RNF38: variants seen among roughly 807,000 people sequenced by gnomAD.
RNF38 encodes ring finger protein 38.
A neutral mutation model predicts 67.2 loss-of-function variants in RNF38; 15 were observed. That is an observed-to-expected ratio of 0.22 (90% CI 0.15 to 0.34). The LOEUF is 0.34. Ranked by LOEUF, RNF38 falls within the 10% of genes least tolerant of loss-of-function variation. The probability of loss-of-function intolerance (pLI) is 1.00; values close to 1 mark genes in which losing one functional copy is unlikely to be tolerated. For missense variants in RNF38, 524 were observed against 639.9 expected (o/e 0.82, Z 1.95); for synonymous variants, 220 against 218.8 (o/e 1.01, Z -0.05).
chr9:36,468,317 A>G (rs1345416181), intron 1 of RNF38, among the ~76,000 whole-genome samples: 3 of 151,916 alleles, frequency 2.0e-5, no homozygotes, highest in Non-Finnish European at 4.4e-5. Flanking sequence ...AGATTACCAG[A>G]ACGCAGAATC....
intron 1 of RNF38, among the ~76,000 whole-genome samples, chr9:36,443,970 C>T (rs1490037435): frequency 6.6e-6 from 1 of 152,194 alleles, no homozygotes; most frequent in African/African-American, 2.4e-5. Flanking sequence ...GCATGTTCCC[C>T]TCCCAGAAGA....
At chr9:36,458,139 G>C (rs1839636309) in intron 1 of RNF38, among the ~76,000 whole-genome samples, 1 of 152,204 alleles carries the variant, frequency 6.6e-6, no homozygotes, top group Admixed American at 6.5e-5. Flanking sequence ...CAATATAGTA[G>C]TAATGAGAGG....
At chr9:36,349,690 C>A (rs1296832608) in intron 9 of RNF38, among the ~76,000 whole-genome samples, 1 of 152,104 alleles carries the variant, frequency 6.6e-6, no homozygotes, top group Non-Finnish European at 1.5e-5. Context: ...GCCAAAAAAC[C>A]AATGCCATGG....
intron 2 of RNF38, among the ~76,000 whole-genome samples, chr9:36,416,197 A>AGGGGGG (rs1189939343): frequency 2.0e-4 from 1 of 4,892 alleles, no homozygotes; most frequent in Non-Finnish European, 4.0e-4. Flanking sequence ...AGGGAGGGGG[A>AGGGGGG]GGGGGTGGGA....
At chr9:36,386,058 T>A (rs1222179747) in intron 2 of RNF38, among the ~76,000 whole-genome samples, 1 of 152,232 alleles carries the variant, frequency 6.6e-6, no homozygotes, top group Non-Finnish European at 1.5e-5. Flanking sequence ...AACTTATTTA[T>A]CGTTGGTAAA....
chr9:36,414,145 GGTGA>G (rs1276414096), intron 2 of RNF38, among the ~76,000 whole-genome samples: 1 of 152,098 alleles, frequency 6.6e-6, no homozygotes, highest in East Asian at 1.9e-4. Flanking sequence ...TTATGTGTTA[GGTGA>G]GTCTCTTGAA....
chr9:36,448,015 G>C (rs1361521520), intron 1 of RNF38, among the ~76,000 whole-genome samples: 5 of 152,166 alleles, frequency 3.3e-5, no homozygotes, highest in Admixed American at 2.0e-4. Context: ...CCTACATGCA[G>C]CTCTGCAGTG....
At chr9:36,444,611 C>A (rs1839260924) in intron 1 of RNF38, among the ~76,000 whole-genome samples, 1 of 152,100 alleles carries the variant, frequency 6.6e-6, no homozygotes, top group African/African-American at 2.4e-5. Flanking sequence ...ACCAGCCTGA[C>A]CAACATACTG....
chr9:36,396,969 AATC>A (rs765743710), intron 1 of RNF38, among the ~76,000 whole-genome samples: 4 of 151,872 alleles, frequency 2.6e-5, no homozygotes, highest in Non-Finnish European at 4.4e-5. Flanking sequence ...ATAAAAAAAA[AATC>A]ATTCTCTCAC....
intron 2 of RNF38, among the ~76,000 whole-genome samples, chr9:36,378,923 G>A (rs1303289918): frequency 2.0e-5 from 3 of 147,614 alleles, no homozygotes; most frequent in African/African-American, 2.5e-5. Context: ...TTTTTGAGAC[G>A]GAGTTTCACT....
chr9:36,437,178 G>T (rs996042021), intron 1 of RNF38, among the ~76,000 whole-genome samples: 1 of 152,312 alleles, frequency 6.6e-6, no homozygotes, highest in East Asian at 1.9e-4. Flanking sequence ...ACCAGGGAGA[G>T]AATTCATGTG....
At chr9:36,380,290 C>T (rs1196000261) in intron 2 of RNF38, among the ~76,000 whole-genome samples, 1 of 152,200 alleles carries the variant, frequency 6.6e-6, no homozygotes, top group African/African-American at 2.4e-5. Flanking sequence ...ACCTCCGCCT[C>T]CTGGGTTCAA....
chr9:36,416,981 A>T (rs903216656), intron 2 of RNF38, among the ~76,000 whole-genome samples: 1 of 151,964 alleles, frequency 6.6e-6, no homozygotes, highest in African/African-American at 2.4e-5. Flanking sequence ...CGAACTCCTG[A>T]CTGCAGATGA....
intron 2 of RNF38, among the ~76,000 whole-genome samples, chr9:36,424,104 T>A (rs1386454834): frequency 2.0e-5 from 3 of 152,216 alleles, no homozygotes; most frequent in Non-Finnish European, 4.4e-5. Context: ...GTAGACTTCT[T>A]GTGTATGAAC....
At chr9:36,467,327 TG>T (rs1839887873) in intron 1 of RNF38, among the ~76,000 whole-genome samples, 1 of 149,568 alleles carries the variant, frequency 6.7e-6, no homozygotes, top group Non-Finnish European at 1.5e-5. Flanking sequence ...TTTAAAATTA[TG>T]AAAAAAATTA....
At chr9:36,382,998 CTA>C (rs1275357934) in intron 2 of RNF38, among the ~76,000 whole-genome samples, 3 of 152,128 alleles carry the variant, frequency 2.0e-5, no homozygotes, top group Non-Finnish European at 4.4e-5. Flanking sequence ...AATCAACACT[CTA>C]TATAAGCAAC....
intron 1 of RNF38, among the ~76,000 whole-genome samples, chr9:36,440,690 A>G (rs1287380345): frequency 6.6e-6 from 1 of 152,256 alleles, no homozygotes; most frequent in Non-Finnish European, 1.5e-5. Context: ...AACTGCTCAC[A>G]GTAATTATCC....
chr9:36,439,124 A>C (rs964282256), intron 1 of RNF38, among the ~76,000 whole-genome samples: 2 of 152,236 alleles, frequency 1.3e-5, no homozygotes, highest in Non-Finnish European at 2.9e-5. Context: ...ACAAGAAGTG[A>C]TTTATTGAAA....
upstream of RNF38, among the ~76,000 whole-genome samples, chr9:36,401,658 GAAAAT>G (rs1448247950): frequency 1.3e-5 from 2 of 152,002 alleles, no homozygotes; most frequent in African/African-American, 4.8e-5. Flanking sequence ...ATACAAGAGA[GAAAAT>G]AAAAATTTCC....
Sources: gnomAD v4.1 joint callset for allele counts (sites outside exome capture counted in the v4.1 genomes callset) on GRCh38, gnomAD v4.1.1 for gene constraint, MANE v1.5 for transcripts, NCBI Gene and HGNC (gene_info 2026-07-23, HGNC 2026-07-21) for gene names.